DIAPH3: variants seen among roughly 807,000 people sequenced by gnomAD.
The protein encoded by DIAPH3 is protein diaphanous homolog 3.
In DIAPH3, 117 loss-of-function variants were observed where a neutral mutation model predicts 144.3. That is an observed-to-expected ratio of 0.81 (90% confidence interval 0.70 to 0.95). The LOEUF is 0.95. Among genes scored for constraint, DIAPH3 ranks in the 40% least tolerant of loss-of-function variants. The pLI is 0.00. For synonymous variants in DIAPH3, 519 were observed against 488.9 expected, an observed-to-expected ratio of 1.06 and a Z score of -0.81; for missense variants, 1,421 against 1,412.7, an observed-to-expected ratio of 1.01 and a Z score of -0.09.
At chr13:59,876,476 T>TA (rs1672300853) in intron 21 of DIAPH3, among the ~76,000 whole-genome samples, 4 of 152,206 alleles carry the variant, frequency 2.6e-5, no homozygotes, top group Non-Finnish European at 5.9e-5. Flanking sequence ...ATTGCATTTG[T>TA]AAAAGATTTA....
chr13:60,055,191 C>A (rs888988344), intron 4 of DIAPH3, among the ~76,000 whole-genome samples: 3 of 151,844 alleles, frequency 2.0e-5, no homozygotes, highest in Non-Finnish European at 2.9e-5. Flanking sequence ...CCCCTTTTCA[C>A]TTCTAAAATA....
chr13:59,929,628 T>C (rs965580520), intron 17 of DIAPH3, among the ~76,000 whole-genome samples: 1 of 147,074 alleles, frequency 6.8e-6, no homozygotes, highest in Admixed American at 6.9e-5. Context: ...AGCGGTGTGA[T>C]CTCGGCTCAC....
At chr13:60,071,940 C>A in intron 4 of DIAPH3, among the ~76,000 whole-genome samples, 1 of 152,230 alleles carries the variant, frequency 6.6e-6, no homozygotes, top group Non-Finnish European at 1.5e-5. Context: ...ACCCTCTCAC[C>A]CAAACCTCCC....
intron 1 of DIAPH3, among the ~76,000 whole-genome samples, chr13:60,137,248 G>A (rs1471046249): frequency 6.6e-6 from 1 of 152,090 alleles, no homozygotes; most frequent in Non-Finnish European, 1.5e-5. Flanking sequence ...ATAGGAGTCG[G>A]GGGGAAAAAA....
rs144887693 is a variant in DIAPH3, at chr13:59,911,615, G to A, written c.2367+120C>T. The A allele has an allele frequency of 5.1e-4, 386 of 750,692 alleles. 1 individual carries two copies. In the African/African-American group the frequency reaches 5.7e-3, roughly 11 times the overall value. The allele number at this position is 750,692 out of a possible 1,614,324, so 46.5% of individuals were successfully genotyped here. The stretch of plus-strand genomic sequence containing the variant: ...ATATCCTTAAGTTAAAAAAAAGTAA[G>A]ATGGATATTAAATGTATGTGATTAC... On this transcript the variant is annotated intron_variant, in intron 20 of 27. Coordinates refer to ENST00000400324, the MANE Select transcript of DIAPH3 (RefSeq NM_001042517.2).
intron 27 of DIAPH3, among the ~76,000 whole-genome samples, chr13:59,681,288 T>G (rs73206699): frequency 0.046 from 7,004 of 152,202 alleles, 184 homozygotes; most frequent in African/African-American, 0.056. Flanking sequence ...CTGGGCAATA[T>G]AGTAAGACTC....
intron 5 of DIAPH3, among the ~76,000 whole-genome samples, chr13:60,030,045 T>C (rs17057531): frequency 0.024 from 3,705 of 152,250 alleles, 121 homozygotes; most frequent in African/African-American, 0.083. Context: ...TTCTCTAAAC[T>C]AGTTCCTTGT....
chr13:60,112,279 G>A (rs1302890241), intron 2 of DIAPH3, 93 bp from the exon 3 acceptor site: 56 of 1,406,566 alleles, frequency 4.0e-5, no homozygotes, highest in Middle Eastern at 2.3e-4. Flanking sequence ...AGGGCCAATC[G>A]TGTTATCATT....
Position 59,879,319 on chromosome 13 carries a change from C to T in DIAPH3, c.2517G>A (p.Leu839=). Residue 839 remains leucine (L), a synonymous_variant, in exon 21 of 28, where the codon TTG becomes TTA. Coordinates refer to ENST00000400324, the MANE Select transcript of DIAPH3 (RefSeq NM_001042517.2). The stretch of plus-strand genomic sequence containing the variant: ...TTCCCATTAGCAATACAAGTTCCAG[C>T]AACTTGCTAAAGCTTTTGCTCTTCT... ...EIKKSKSFSK[L]LELVLLMGNY... 1 of 1,613,854 alleles carries T rather than the reference C, an allele frequency of 6.2e-7. No individual in the cohort carries two copies.
At chr13:59,796,383 T>A (rs1279274369) in intron 25 of DIAPH3, among the ~76,000 whole-genome samples, 1 of 152,230 alleles carries the variant, frequency 6.6e-6, no homozygotes, top group Non-Finnish European at 1.5e-5. Flanking sequence ...AGTTTATGCA[T>A]GTTAATGAGC....
At chr13:59,871,496 T>G (rs1409497339) in intron 21 of DIAPH3, among the ~76,000 whole-genome samples, 3 of 152,208 alleles carry the variant, frequency 2.0e-5, no homozygotes, top group Admixed American at 6.5e-5. Flanking sequence ...AGAATTTTTC[T>G]CATTAATGAA....
chr13:59,848,005 T>G (rs535967271), intron 22 of DIAPH3, among the ~76,000 whole-genome samples: 111 of 152,304 alleles, frequency 7.3e-4, no homozygotes, highest in Non-Finnish European at 1.3e-3. Context: ...TCTTTTCTCT[T>G]TCATGCCGCA....
Position 59,974,335 on chromosome 13 carries a change from TCA to T in DIAPH3, c.1650+15_1650+16del. 1 of 1,596,624 alleles carries T rather than the reference TCA, an allele frequency of 6.3e-7. No homozygotes were observed. The highest frequency in any genetic ancestry group is 1.7e-5 in the Admixed American group (1 of 59,896). ...CTGTGTTTTTAATACCCAAATTCAC[TCA>T]GAGTGGAATTTTACCTGAGACTTAA... On this transcript the variant is annotated intron_variant, in intron 15 of 27. Transcript: ENST00000400324.
chr13:59,719,713 T>C (rs867366081), intron 27 of DIAPH3, among the ~76,000 whole-genome samples: 3 of 152,240 alleles, frequency 2.0e-5, no homozygotes, highest in Middle Eastern at 3.4e-3. Flanking sequence ...TGTCTTCTTT[T>C]TCCTCTCTGA....
chr13:59,818,303 A>C (rs2040886950), intron 24 of DIAPH3, among the ~76,000 whole-genome samples: 3 of 151,978 alleles, frequency 2.0e-5, no homozygotes, highest in Admixed American at 6.6e-5. Context: ...TTATCTACAA[A>C]TAGTAGATAA....
At chr13:59,711,668 A>G (rs1463161027) in intron 27 of DIAPH3, among the ~76,000 whole-genome samples, 1 of 152,242 alleles carries the variant, frequency 6.6e-6, no homozygotes, top group Admixed American at 6.5e-5. Flanking sequence ...TATATCCATT[A>G]TATCGATGAG....
At chr13:59,803,584 A>G (rs1334043553) in intron 25 of DIAPH3, among the ~76,000 whole-genome samples, 2 of 152,216 alleles carry the variant, frequency 1.3e-5, no homozygotes, top group Non-Finnish European at 2.9e-5. Flanking sequence ...GAAAGAAAGA[A>G]AAAGACAAAA....
intron 12 of DIAPH3, among the ~76,000 whole-genome samples, chr13:59,989,604 A>G (rs2051676295): frequency 6.6e-6 from 1 of 151,902 alleles, no homozygotes; most frequent in African/African-American, 2.4e-5. Flanking sequence ...TTCATACTCA[A>G]AAGATGGCCA....
chr13:60,129,514 C>T (rs1293959534), intron 2 of DIAPH3, among the ~76,000 whole-genome samples: 2 of 152,136 alleles, frequency 1.3e-5, no homozygotes, highest in Non-Finnish European at 2.9e-5. Flanking sequence ...ACATGAAGTA[C>T]TTTTGCAGAC....
Sources: gnomAD v4.1 joint callset for allele counts (sites outside exome capture counted in the v4.1 genomes callset) on GRCh38, gnomAD v4.1.1 for gene constraint, MANE v1.5 for transcripts, NCBI Gene and HGNC (gene_info 2026-07-23, HGNC 2026-07-21) for gene names.